Variants in SAMD12 observed in about 807,000 individuals in gnomAD.
SAMD12 encodes the protein sterile alpha motif domain-containing protein 12.
A neutral mutation model predicts 15.0 loss-of-function variants in SAMD12; 9 were observed. That is an observed-to-expected ratio of 0.60 (90% CI 0.36 to 1.05). SAMD12 has a LOEUF of 1.05. Among genes scored for constraint, SAMD12 ranks in the 50% least tolerant of loss-of-function variants. The pLI, the probability that SAMD12 is intolerant of heterozygous loss-of-function variation, is 0.01. For synonymous variants in SAMD12, 86 were observed against 90.1 expected (o/e 0.96, Z 0.25); for missense variants, 230 against 234.2 (o/e 0.98, Z 0.12).
intron 2 of SAMD12, among the ~76,000 whole-genome samples, chr8:118,513,055 T>C (rs527740622): frequency 4.6e-5 from 7 of 152,298 alleles, no homozygotes; most frequent in Non-Finnish European, 1.0e-4. Context: ...TCTTTTTCAC[T>C]AAACTGGGAA....
chr8:118,382,402 A>G (rs1221255186), intron 3 of SAMD12, among the ~76,000 whole-genome samples: 4 of 152,232 alleles, frequency 2.6e-5, no homozygotes, highest in Non-Finnish European at 1.5e-5. Context: ...ATGCAGCTCA[A>G]CTTTGCTTTG....
rs867975168 is a variant in SAMD12, at chr8:118,433,420, T to C, written c.322+6412A>G. On this transcript the variant is annotated intron_variant, in intron 3 of 3. Transcript: ENST00000314727. ...TTTCTCATTGAAAGGGTCTTTTTTT[T>C]TTTTCTTAAATTGATCCCATAAATC... 7.5e-3 allele frequency among the ~76,000 whole-genome samples: 1,143 copies of C among 152,028 alleles called. 6 individuals are homozygous for C. Among genetic ancestry groups the C allele is most frequent in the Middle Eastern group, 0.014 (4 of 292 alleles).
At chr8:118,445,363 A>C (rs527959130) in intron 2 of SAMD12, among the ~76,000 whole-genome samples, 2 of 152,280 alleles carry the variant, frequency 1.3e-5, no homozygotes, top group South Asian at 2.1e-4. Context: ...GTGGTTAGAA[A>C]ATTTTAAAAA....
At chr8:118,412,567 T>C (rs7845579) in intron 3 of SAMD12, among the ~76,000 whole-genome samples, 67,570 of 151,922 alleles carry the variant, frequency 0.44, 15,818 homozygotes, top group Admixed American at 0.61. Context: ...GTGTCTGCTC[T>C]AACATATGGA....
chr8:118,402,486 T>C (rs1403762107), intron 3 of SAMD12, among the ~76,000 whole-genome samples: 1 of 152,220 alleles, frequency 6.6e-6, no homozygotes, highest in Non-Finnish European at 1.5e-5. Flanking sequence ...AGTGACAAAA[T>C]GTCCAAGGAC....
At chr8:118,419,149 T>C (rs1355601443) in intron 3 of SAMD12, among the ~76,000 whole-genome samples, 1 of 152,120 alleles carries the variant, frequency 6.6e-6, no homozygotes, top group Non-Finnish European at 1.5e-5. Flanking sequence ...ATGTGCTGAG[T>C]ATTTAATTGA....
chr8:118,312,913 G>T (rs1815700732), intron 4 of SAMD12, among the ~76,000 whole-genome samples: 1 of 152,196 alleles, frequency 6.6e-6, no homozygotes, highest in African/African-American at 2.4e-5. Flanking sequence ...CCTTGACTTG[G>T]TATTAAATGA....
chr8:118,287,353 C>T (rs953144335), intron 4 of SAMD12, among the ~76,000 whole-genome samples: 2 of 150,332 alleles, frequency 1.3e-5, no homozygotes, highest in African/African-American at 4.9e-5. Context: ...TCTTGATCTC[C>T]TGACCTCGTG....
At chr8:118,568,333 T>G (rs1826905571) in intron 2 of SAMD12, among the ~76,000 whole-genome samples, 1 of 152,102 alleles carries the variant, frequency 6.6e-6, no homozygotes, top group Non-Finnish European at 1.5e-5. Flanking sequence ...GGAGCAGCAA[T>G]GAGCATAGAA....
At chr8:118,586,475 T>C (rs1179322463) in intron 1 of SAMD12, among the ~76,000 whole-genome samples, 1 of 151,906 alleles carries the variant, frequency 6.6e-6, no homozygotes, top group African/African-American at 2.4e-5. Flanking sequence ...CCCAAGTAGC[T>C]GTGACTACAG....
the SAMD12 span, among the ~76,000 whole-genome samples, chr8:118,136,750 G>A: frequency 1.3e-5 from 2 of 152,208 alleles, no homozygotes; most frequent in Non-Finnish European, 2.9e-5. Context: ...ACCAGGGTAG[G>A]GGAGTCACTT....
At chr8:118,133,406 A>G in the SAMD12 span, among the ~76,000 whole-genome samples, 2 of 151,964 alleles carry the variant, frequency 1.3e-5, no homozygotes, top group African/African-American at 4.8e-5. Flanking sequence ...ACATGGGTAA[A>G]CATGTGCCAT....
the SAMD12 span, among the ~76,000 whole-genome samples, chr8:118,180,774 C>A: frequency 6.6e-6 from 1 of 152,148 alleles, no homozygotes; most frequent in Non-Finnish European, 1.5e-5. Context: ...GTTGCCCAGA[C>A]TTGCTCAAAA....
chr8:118,169,611 C>CACCA, the SAMD12 span, among the ~76,000 whole-genome samples: 2 of 152,186 alleles, frequency 1.3e-5, no homozygotes, highest in South Asian at 4.1e-4. Context: ...CAGGCAGCTG[C>CACCA]ACCAATGTTA....
chr8:118,617,001 A>G (rs1353860187), intron 1 of SAMD12, among the ~76,000 whole-genome samples: 1 of 152,256 alleles, frequency 6.6e-6, no homozygotes, highest in African/African-American at 2.4e-5. Context: ...ACTGTCTTCC[A>G]TGAATCTGAT....
chr8:118,510,249 T>A (rs1825040664), intron 2 of SAMD12, among the ~76,000 whole-genome samples: 1 of 151,666 alleles, frequency 6.6e-6, no homozygotes. Flanking sequence ...CACGCACACA[T>A]GCATGCACAC....
chr8:118,559,133 A>T (rs1018729942), intron 2 of SAMD12, among the ~76,000 whole-genome samples: 1 of 152,246 alleles, frequency 6.6e-6, no homozygotes, highest in African/African-American at 2.4e-5. Flanking sequence ...ACACAAATTT[A>T]GGAATTATTC....
chr8:118,131,975 C>G, the SAMD12 span, among the ~76,000 whole-genome samples: 3 of 152,036 alleles, frequency 2.0e-5, no homozygotes, highest in African/African-American at 4.8e-5. Context: ...TACCCATTAT[C>G]CTATTATAAT....
At chr8:118,369,377 C>T (rs1818963424) in intron 4 of SAMD12, among the ~76,000 whole-genome samples, 1 of 152,118 alleles carries the variant, frequency 6.6e-6, no homozygotes, top group South Asian at 2.1e-4. Context: ...GAAACTGGAC[C>T]TCTTCCTTAC....
Sources: allele counts gnomAD v4.1 joint callset (sites outside exome capture counted in the v4.1 genomes callset), GRCh38; gene constraint gnomAD v4.1.1; transcripts MANE v1.5; gene names NCBI Gene and HGNC (gene_info 2026-07-23, HGNC 2026-07-21).